Variants in CTNNA2 observed in about 807,000 individuals in gnomAD.
CTNNA2 encodes catenin alpha 2.
Under a neutral mutation model 101.0 loss-of-function variants are expected in CTNNA2, and 42 were observed. The observed-to-expected ratio is 0.42, with a 90% CI of 0.32 to 0.54. CTNNA2 has a LOEUF of 0.54. CTNNA2 is among the 20% of genes least tolerant of loss of function. The pLI is 0.14. For synonymous variants in CTNNA2, 450 were observed against 456.4 expected (o/e 0.99, Z 0.18); for missense variants, 871 against 1,223.1 (o/e 0.71, Z 4.29).
intron 4 of CTNNA2, among the ~76,000 whole-genome samples, chr2:79,474,038 C>T (rs1671027500): frequency 1.3e-5 from 2 of 152,096 alleles, no homozygotes; most frequent in Non-Finnish European, 2.9e-5. Context: ...AAACTACCCA[C>T]ATGTGTCTAG....
intron 2 of CTNNA2, among the ~76,000 whole-genome samples, chr2:79,733,833 A>G (rs1422010523): frequency 2.0e-5 from 3 of 152,138 alleles, no homozygotes; most frequent in Non-Finnish European, 4.4e-5. Context: ...AACCTTAAAG[A>G]AAGAAAATGT....
In CTNNA2 at chr2:79,907,545, A is replaced by T. The variant is rs1014741241; in HGVS notation, c.853-2049A>T. Among the ~76,000 whole-genome samples the T allele has an allele frequency of 2.0e-5, 3 of 152,252 alleles. 1 individual carries two copies. The highest frequency in any genetic ancestry group is 1.5e-5 in the Non-Finnish European group (1 of 68,028). On this transcript the variant is annotated intron_variant, in intron 6 of 18. Transcript: ENST00000402739. Reference sequence around the variant, plus strand: ...TTCCTTTGGGACTTTCACCTGTAATAATGAACCCTATAGGGCCATCCACTG... The same window carrying T: ...TTCCTTTGGGACTTTCACCTGTAATTATGAACCCTATAGGGCCATCCACTG...
At chr2:79,269,653 A>G (rs754215401) in intron 2 of CTNNA2, among the ~76,000 whole-genome samples, 1 of 152,106 alleles carries the variant, frequency 6.6e-6, no homozygotes, top group Non-Finnish European at 1.5e-5. Flanking sequence ...AGAAAATTCA[A>G]AGGATATCTT....
chr2:80,093,947 C>T (rs1045947543), intron 7 of CTNNA2, among the ~76,000 whole-genome samples: 10 of 151,780 alleles, frequency 6.6e-5, no homozygotes, highest in Non-Finnish European at 1.0e-4. Flanking sequence ...TTCTCCCATT[C>T]TGTAGGTTGC....
At chr2:79,757,602 C>A (rs1020417159) in intron 3 of CTNNA2, among the ~76,000 whole-genome samples, 1 of 152,098 alleles carries the variant, frequency 6.6e-6, no homozygotes, top group African/African-American at 2.4e-5. Flanking sequence ...TGGTCGAAGA[C>A]TCAAGAAGAG....
chr2:79,862,864 A>C (rs1681727321), intron 4 of CTNNA2, among the ~76,000 whole-genome samples: 1 of 152,214 alleles, frequency 6.6e-6, no homozygotes, highest in Admixed American at 6.5e-5. Flanking sequence ...AATAACAGAA[A>C]ACCTAATTCT....
intron 7 of CTNNA2, among the ~76,000 whole-genome samples, chr2:80,012,102 C>A (rs987999978): frequency 5.9e-5 from 9 of 152,128 alleles, no homozygotes; most frequent in African/African-American, 1.7e-4. Context: ...AGACCAGTCT[C>A]CCTCCCTTTG....
rs552694375 is a variant in CTNNA2 at position 80,027,185 on chromosome 2, G to A, written c.1056+117388G>A. Reference sequence around the variant, plus strand: ...TCTGAGAAGGTGAACTTTGAGCAGAGAACAGATCCACCTTCAGGAGTTAGT... The same window carrying A: ...TCTGAGAAGGTGAACTTTGAGCAGAAAACAGATCCACCTTCAGGAGTTAGT... On this transcript the variant is annotated intron_variant, in intron 7 of 18. Transcript: ENST00000402739. Among the ~76,000 whole-genome samples the A allele has an allele frequency of 4.9e-4, 74 of 152,340 alleles. 2 individuals carry two copies. In the South Asian group the frequency reaches 0.013, roughly 27 times the overall value.
intron 7 of CTNNA2, among the ~76,000 whole-genome samples, chr2:80,064,393 C>T (rs185460413): frequency 1.3e-4 from 20 of 152,310 alleles, no homozygotes; most frequent in Admixed American, 1.3e-3. Flanking sequence ...TTGAGAAACA[C>T]TACAGGACCA....
chr2:80,157,965 G>A (rs1704083864), intron 7 of CTNNA2, among the ~76,000 whole-genome samples: 1 of 152,098 alleles, frequency 6.6e-6, no homozygotes, highest in Non-Finnish European at 1.5e-5. Flanking sequence ...AAGCTCTTTT[G>A]TCATCATATT....
At chr2:80,382,081 G>A (rs1238246898) in intron 7 of CTNNA2, among the ~76,000 whole-genome samples, 1 of 152,132 alleles carries the variant, frequency 6.6e-6, no homozygotes, top group Non-Finnish European at 1.5e-5. Context: ...ATGAGAGTAG[G>A]CAACAATATG....
At chr2:80,553,309 CTA>C (rs1225321395) in intron 11 of CTNNA2, among the ~76,000 whole-genome samples, 1 of 151,906 alleles carries the variant, frequency 6.6e-6, no homozygotes, top group African/African-American at 2.4e-5. Flanking sequence ...ATTAACCTGA[CTA>C]TGTAACAGAT....
At position 80,107,343 on chromosome 2, in the gene CTNNA2, G is replaced by C. The variant is rs1051178172; in HGVS notation, c.1056+197546G>C. 3.1e-4 allele frequency among the ~76,000 whole-genome samples: 47 copies of C among 152,300 alleles called. 1 individual carries two copies. Among genetic ancestry groups the C allele is most frequent in the African/African-American group, 1.1e-3 (45 of 41,564 alleles). The stretch of plus-strand genomic sequence containing the variant: ...TAGAGAGAGAAACAGCTTGACTCGA[G>C]AGAGGGAACTTGATTTCAGGGGGAT... On this transcript the variant is annotated intron_variant, in intron 7 of 18. Coordinates refer to ENST00000402739, the MANE Select transcript of CTNNA2 (RefSeq NM_001282597.3).
intron 2 of CTNNA2, among the ~76,000 whole-genome samples, chr2:79,688,569 G>A (rs1052405157): frequency 6.6e-6 from 1 of 151,928 alleles, no homozygotes; most frequent in East Asian, 1.9e-4. Flanking sequence ...TCCAAAAAAA[G>A]AGAATTAATT....
intron 1 of CTNNA2, among the ~76,000 whole-genome samples, chr2:79,631,463 A>C (rs1679689415): frequency 6.6e-6 from 1 of 152,134 alleles, no homozygotes; most frequent in East Asian, 1.9e-4. Flanking sequence ...CTTAGTATTT[A>C]TTGTTTGCTG....
chr2:79,915,246 G>A (rs1193986700), intron 7 of CTNNA2, among the ~76,000 whole-genome samples: 1 of 151,640 alleles, frequency 6.6e-6, no homozygotes, highest in East Asian at 1.9e-4. Context: ...CTAATAATTT[G>A]GTATGTGTCT....
At chr2:79,951,819 C>T (rs1268762003) in intron 7 of CTNNA2, among the ~76,000 whole-genome samples, 2 of 152,194 alleles carry the variant, frequency 1.3e-5, no homozygotes, top group East Asian at 3.9e-4. Context: ...TTCATTTCCC[C>T]AGGAACCTCT....
chr2:79,352,663 T>C (rs999675904), intron 3 of CTNNA2, among the ~76,000 whole-genome samples: 9 of 152,200 alleles, frequency 5.9e-5, no homozygotes, highest in Admixed American at 1.3e-4. Flanking sequence ...TTGTAGTTCC[T>C]ATAGGTGTGA....
intron 7 of CTNNA2, among the ~76,000 whole-genome samples, chr2:80,007,888 C>T (rs1489709810): frequency 2.6e-5 from 4 of 152,182 alleles, no homozygotes; most frequent in Admixed American, 1.3e-4. Flanking sequence ...AAGTTACACA[C>T]GTGCTGGGAG....
Sources: gnomAD v4.1 joint callset for allele counts (sites outside exome capture counted in the v4.1 genomes callset) on GRCh38, gnomAD v4.1.1 for gene constraint, MANE v1.5 for transcripts, NCBI Gene and HGNC (gene_info 2026-07-23, HGNC 2026-07-21) for gene names.